TULP4: variants seen among roughly 807,000 people sequenced by gnomAD.
TULP4 encodes TUB like protein 4, also known as tubby-related protein 4.
TULP4 carries 16 observed loss-of-function variants against 129.0 expected under a neutral mutation model. The ratio of observed to expected loss-of-function variants is 0.12; its 90% CI spans 0.08 to 0.19. The LOEUF is 0.19. Among genes scored for constraint, TULP4 ranks in the 10% least tolerant of loss-of-function variants. The probability of loss-of-function intolerance (pLI) is 1.00; values close to 1 mark genes in which losing one functional copy is unlikely to be tolerated. For synonymous variants in TULP4, 998 were observed against 854.0 expected (o/e 1.17, Z -2.94); for missense variants, 1,842 against 2,059.1 (o/e 0.89, Z 2.04).
intron 1 of TULP4, among the ~76,000 whole-genome samples, chr6:158,264,492 G>T (rs1778414059): frequency 6.6e-6 from 1 of 152,102 alleles, no homozygotes; most frequent in Non-Finnish European, 1.5e-5. Flanking sequence ...TCCCTCTCCA[G>T]AAAATGTGAC....
At chr6:158,297,719 G>A (rs1429202378) in intron 1 of TULP4, among the ~76,000 whole-genome samples, 3 of 152,112 alleles carry the variant, frequency 2.0e-5, no homozygotes, top group African/African-American at 7.2e-5. Context: ...ACAGATAAGG[G>A]TCCAACAAAG....
Position 158,452,382 on chromosome 6 carries a change from T to G in TULP4, c.859+114T>G, listed in dbSNP as rs1779181580. On this transcript the variant is annotated intron_variant, in intron 5 of 13. Coordinates refer to ENST00000367097, the MANE Select transcript of TULP4 (RefSeq NM_020245.5). ...ATTCCTGTCCTCTGTGGTGACACCT[T>G]CTGGGCTTCATGGAGTCTGTTAACT... 2.1e-6 allele frequency: 3 copies of G among 1,397,028 alleles called. No homozygotes were observed. In the Admixed American group the frequency reaches 7.4e-5, roughly 34 times the overall value. The allele number at this position is 1,397,028 out of a possible 1,614,324, so 86.5% of individuals were successfully genotyped here.
chr6:158,385,815 C>T (rs1193578762), intron 1 of TULP4, among the ~76,000 whole-genome samples: 1 of 120,452 alleles, frequency 8.3e-6, no homozygotes, highest in African/African-American at 3.2e-5. Context: ...CAGCTTATGT[C>T]AGGAAAAGTC....
At chr6:158,464,262 C>T (rs1779505828) in intron 6 of TULP4, among the ~76,000 whole-genome samples, 1 of 152,160 alleles carries the variant, frequency 6.6e-6, no homozygotes, top group Admixed American at 6.5e-5. Context: ...AGACATACAT[C>T]AATACCCGTA....
chr6:158,453,196 G>A (rs1160773823), intron 5 of TULP4, among the ~76,000 whole-genome samples: 7 of 152,072 alleles, frequency 4.6e-5, no homozygotes, highest in Non-Finnish European at 7.4e-5. Context: ...GGCTGGGTGC[G>A]GTGGCTCATG....
chr6:158,421,956 G>A (rs374353850), intron 2 of TULP4, among the ~76,000 whole-genome samples: 1 of 152,116 alleles, frequency 6.6e-6, no homozygotes, highest in South Asian at 2.1e-4. Flanking sequence ...ATTGTATACC[G>A]GAATTTGTGA....
intron 2 of TULP4, among the ~76,000 whole-genome samples, chr6:158,414,100 G>A (rs912254181): frequency 2.0e-5 from 3 of 152,232 alleles, no homozygotes; most frequent in African/African-American, 4.8e-5. Flanking sequence ...AGACATTATT[G>A]TCAGCGGCTA....
chr6:158,491,717 T>C (rs1391191513), intron 9 of TULP4, among the ~76,000 whole-genome samples: 2 of 151,868 alleles, frequency 1.3e-5, no homozygotes, highest in Non-Finnish European at 2.9e-5. Flanking sequence ...GGTCTCAATC[T>C]CCTGACCTCA....
chr6:158,301,982 C>G (rs1275569660), intron 1 of TULP4, among the ~76,000 whole-genome samples: 1 of 152,212 alleles, frequency 6.6e-6, no homozygotes, highest in Non-Finnish European at 1.5e-5. Context: ...TTATTGAACA[C>G]CATTCCTAAA....
rs145877636 is a variant in TULP4, at chr6:158,250,020, G to A, written n.68+17717G>A. Reference sequence around the variant, plus strand: ...GGAGTCTTGCTGTGTCACCCAGGCTGGAGTACAGTGGCACAATCATAGCTC... The same window carrying A: ...GGAGTCTTGCTGTGTCACCCAGGCTAGAGTACAGTGGCACAATCATAGCTC... On this transcript the variant is annotated intron_variant and non_coding_transcript_variant, in intron 1 of 1. Transcript: ENST00000620026. Among the ~76,000 whole-genome samples, 32 of 152,262 alleles carry A rather than the reference G, an allele frequency of 2.1e-4. 1 individual carries two copies. In the East Asian group the frequency reaches 5.4e-3, roughly 26 times the overall value.
intron 1 of TULP4, among the ~76,000 whole-genome samples, chr6:158,321,875 A>G (rs1440775024): frequency 6.6e-6 from 1 of 152,182 alleles, no homozygotes; most frequent in South Asian, 2.1e-4. Context: ...TCTTTTTCCT[A>G]AAAACATTGT....
upstream of TULP4, among the ~76,000 whole-genome samples, chr6:158,308,557 T>C (rs62437362): frequency 1.3e-4 from 20 of 151,106 alleles, no homozygotes; most frequent in Admixed American, 2.6e-4. Context: ...AGAGGGGCTC[T>C]TCACTTCCCA....
At position 158,503,375 on chromosome 6, in the gene TULP4, T is replaced by G; in HGVS notation, c.3712T>G (p.Cys1238Gly). ...GCTGTACCCACCCAGCCTCTCCTAT[T>G]GCACCCTGCCCCCCATGTACCCAGG... ...QPLYPPSLSY[C>G]TLPPMYPGSS... is the part of the protein sequence containing the mutation. Residue 1238 changes from cysteine to glycine, a missense_variant, in exon 13 of 14, where the codon TGC becomes GGC. Physicochemically the swap from Cys to Gly is radical, Grantham distance 159. Transcript: ENST00000367097. The surrounding 1 kb of genome is among the most constrained non-coding windows in gnomAD (Gnocchi z 4.3). 1 of 1,613,858 alleles carries G rather than the reference T, an allele frequency of 6.2e-7. No homozygotes were observed. The highest frequency in any genetic ancestry group is 8.5e-7 in the Non-Finnish European group (1 of 1,180,014).
chr6:158,461,666 T>C lies in TULP4; in HGVS notation c.963T>C (p.Ser321=). The change falls in exon 6 of 14, where the codon AGT becomes AGC. Residue 321 remains serine, a synonymous_variant. Transcript: ENST00000367097. The part of the protein sequence containing the change: ...GELPNGPLLK[S]AMVKFYNVRG... ...TTCCCAATGGTCCCCTTCTGAAGAG[T>C]GCCATGGTCAAGTTCTACAATGTTC... is the stretch of plus-strand genomic sequence containing the variant. The C allele has an allele frequency of 6.2e-7, 1 of 1,613,832 alleles. No individual in the cohort carries two copies. The highest frequency in any genetic ancestry group is 8.5e-7 in the Non-Finnish European group (1 of 1,179,968).
At chr6:158,337,426 C>T (rs962704239) in intron 1 of TULP4, among the ~76,000 whole-genome samples, 8 of 152,154 alleles carry the variant, frequency 5.3e-5, no homozygotes, top group South Asian at 2.1e-4. Context: ...CCACCACTCC[C>T]GTTCAGCTGT....
intron 6 of TULP4, among the ~76,000 whole-genome samples, chr6:158,477,800 T>C (rs998734497): frequency 2.6e-5 from 4 of 152,184 alleles, no homozygotes; most frequent in African/African-American, 9.6e-5. Context: ...TAAAGACCCA[T>C]GCATGCATAT....
chr6:158,419,030 C>G (rs1318104685), intron 2 of TULP4, among the ~76,000 whole-genome samples: 3 of 152,084 alleles, frequency 2.0e-5, no homozygotes, highest in Non-Finnish European at 4.4e-5. Context: ...GAATGTAATG[C>G]GTTGTTTCTG....
chr6:158,429,188 G>A (rs555237883), intron 2 of TULP4, among the ~76,000 whole-genome samples: 19 of 152,182 alleles, frequency 1.2e-4, no homozygotes, highest in Non-Finnish European at 2.5e-4. Flanking sequence ...GCCCAGGCTG[G>A]AGTGCAGTGG....
At chr6:158,365,682 A>AGG (rs1236622867) in intron 1 of TULP4, among the ~76,000 whole-genome samples, 21 of 151,410 alleles carry the variant, frequency 1.4e-4, no homozygotes, top group Admixed American at 2.6e-4. Flanking sequence ...CATGTTAGCC[A>AGG]ATAGGGTCTC....
Sources: gnomAD v4.1 joint callset for allele counts (sites outside exome capture counted in the v4.1 genomes callset) on GRCh38, gnomAD v4.1.1 for gene constraint, Gnocchi (gnomAD v3.1) non-coding constraint, MANE v1.5 for transcripts, NCBI Gene and HGNC (gene_info 2026-07-23, HGNC 2026-07-21) for gene names.